SLC38A11: variants seen among roughly 807,000 people sequenced by gnomAD.
The protein encoded by SLC38A11 is solute carrier family 38 member 11.
A neutral mutation model predicts 49.4 loss-of-function variants in SLC38A11; 51 were observed. That is an observed-to-expected ratio of 1.03 (90% CI 0.83 to 1.30). The LOEUF (loss-of-function observed/expected upper bound fraction) is 1.30, where lower values mean the gene tolerates loss of function less well. SLC38A11 is among the 50% of genes most tolerant of loss of function. The pLI is 0.00. For synonymous variants in SLC38A11, 203 were observed against 192.9 expected (o/e 1.05, Z -0.43); for missense variants, 574 against 556.2 (o/e 1.03, Z -0.32).
At position 164,952,754 on chromosome 2, in the gene SLC38A11, C is replaced by G; in HGVS notation, c.182G>C (p.Gly61Ala). 1 of 1,605,948 alleles carries G rather than the reference C, an allele frequency of 6.2e-7. No homozygotes were observed. The highest frequency in any genetic ancestry group is 8.5e-7 in the Non-Finnish European group (1 of 1,178,184). The change falls in exon 3 of 12, where the codon GGG (glycine) becomes GCG (alanine). Residue 61 changes from glycine (G) to alanine (A), a missense_variant. Gly to Ala is a moderately conservative substitution (Grantham distance 60). Coordinates refer to ENST00000685975, the MANE Select transcript of SLC38A11 (RefSeq NM_001351537.2). ...IGLPYSMKQA[G>A]FPLGILLLFW... ...TAAAAGCAATATTCCCAAAGGAAAC[C>G]CAGCTTGCTTCATTGAATAAGGCAA...
chr2:164,934,469 A>G lies in SLC38A11; in HGVS notation c.617+2881T>C, dbSNP rs559152144. Among the ~76,000 whole-genome samples, 24 of 152,250 alleles carry G rather than the reference A, an allele frequency of 1.6e-4. 1 individual carries two copies. Among genetic ancestry groups the G allele is most frequent in the Admixed American group, 1.4e-3 (22 of 15,288 alleles). The stretch of plus-strand genomic sequence containing the variant: ...TAATGAATCCAATTGCCTGGCCCCT[A>G]GATCAATTCCTTCAGAATCTCTACA... On this transcript the variant is annotated intron_variant, in intron 7 of 11. Coordinates refer to ENST00000685975, the MANE Select transcript of SLC38A11 (RefSeq NM_001351537.2).
rs764778795 is a variant in SLC38A11 at position 164,897,208 on chromosome 2, C to T, written c.*1229G>A. On this transcript the variant is annotated 3_prime_UTR_variant, in exon 12 of 12. Transcript: ENST00000685975. ...GGCACAGCTGTGTCTCCCAGATACC[C>T]CTGTAAGGAAGCATGTGGTGACAAA... The T allele has an allele frequency of 1.2e-4, 19 of 152,064 alleles. No homozygotes were observed. The highest frequency in any genetic ancestry group is 2.6e-4 in the Non-Finnish European group (18 of 68,006). 9.4% of individuals were successfully genotyped at this position (152,064 alleles called of 1,614,324 possible).
chr2:164,917,252 A>G (rs959200532), intron 7 of SLC38A11, among the ~76,000 whole-genome samples: 4 of 152,132 alleles, frequency 2.6e-5, no homozygotes, highest in African/African-American at 7.2e-5. Flanking sequence ...AAAGATGAAG[A>G]CCCATCTATT....
At chr2:164,939,394 T>TTGCCAAGTAGACA (rs1687589856) in intron 6 of SLC38A11, 56 bp downstream of exon 6, 1 of 1,196,956 alleles carries the variant, frequency 8.4e-7, no homozygotes, top group Non-Finnish European at 1.2e-6. Flanking sequence ...AAGTAGACAG[T>TTGCCAAGTAGACA]AGATTATGCA....
At chr2:164,901,691 A>G (rs1684659264) in intron 11 of SLC38A11, among the ~76,000 whole-genome samples, 1 of 152,200 alleles carries the variant, frequency 6.6e-6, no homozygotes, top group Non-Finnish European at 1.5e-5. Context: ...GAATCATGTC[A>G]TCGGCAAATA....
intron 7 of SLC38A11, among the ~76,000 whole-genome samples, chr2:164,929,981 T>A (rs866037068): frequency 2.4e-3 from 359 of 151,110 alleles, no homozygotes; most frequent in Non-Finnish European, 3.9e-3. Flanking sequence ...TGTTTTTTTT[T>A]AAAATTCAAA....
intron 10 of SLC38A11, among the ~76,000 whole-genome samples, chr2:164,910,985 CAATAT>C (rs1285878244): frequency 5.3e-5 from 8 of 151,734 alleles, no homozygotes; most frequent in African/African-American, 1.7e-4. Context: ...TTTGACAATA[CAATAT>C]ATTTATATGT....
At chr2:164,915,312 C>A (rs762050866) in intron 8 of SLC38A11, 39 bp from the exon 9 acceptor site, 35 of 1,540,960 alleles carry the variant, frequency 2.3e-5, no homozygotes, top group Non-Finnish European at 2.9e-5. Context: ...AAATCAAGCA[C>A]CAGGGTTTTC....
chr2:164,918,649 G>A (rs369831367), intron 7 of SLC38A11, among the ~76,000 whole-genome samples: 1 of 152,102 alleles, frequency 6.6e-6, no homozygotes, highest in East Asian at 1.9e-4. Context: ...AATAAGTGAT[G>A]TGTAATCATT....
chr2:164,941,181 T>C (rs1262816325), intron 5 of SLC38A11, among the ~76,000 whole-genome samples: 1 of 152,092 alleles, frequency 6.6e-6, no homozygotes, highest in Non-Finnish European at 1.5e-5. Flanking sequence ...TTTAAATGTT[T>C]AAACAACAGT....
chr2:164,926,278 A>T (rs1193547099), intron 7 of SLC38A11, among the ~76,000 whole-genome samples: 1 of 152,162 alleles, frequency 6.6e-6, no homozygotes, highest in Non-Finnish European at 1.5e-5. Flanking sequence ...TCACCACCAC[A>T]TGTAAAGCTT....
chr2:164,954,626 C>T lies in SLC38A11; in HGVS notation c.154+5G>A, dbSNP rs1395079144. On this transcript the variant is annotated splice_donor_5th_base_variant and intron_variant, in intron 2 of 11. Transcript: ENST00000685975. ...TAAAATTTAAACCAAAGCAAATACACTTACCTATTATACCAGATCCTATAA... is the reference window on the plus strand; with the variant it reads ...TAAAATTTAAACCAAAGCAAATACATTTACCTATTATACCAGATCCTATAA... 1.4e-6 allele frequency: 2 copies of T among 1,442,902 alleles called. No homozygotes were observed. The highest frequency in any genetic ancestry group is 5.1e-5 in the East Asian group (2 of 39,580). The allele number at this position is 1,442,902 out of a possible 1,614,324, so 89.4% of individuals were successfully genotyped here. A position where few individuals can be genotyped will look rare whatever the true frequency, so the allele number is the denominator to read the frequency against.
chr2:164,922,720 A>C (rs1395762985), intron 7 of SLC38A11, among the ~76,000 whole-genome samples: 1 of 152,226 alleles, frequency 6.6e-6, no homozygotes, highest in Non-Finnish European at 1.5e-5. Flanking sequence ...ATTTAGAAAA[A>C]AACTATTATG....
intron 11 of SLC38A11, among the ~76,000 whole-genome samples, chr2:164,906,090 T>C (rs1180585176): frequency 6.6e-6 from 1 of 152,148 alleles, no homozygotes; most frequent in Non-Finnish European, 1.5e-5. Context: ...GTGCACTTGA[T>C]TAACTTGAAA....
intron 10 of SLC38A11, 41 bp from the exon 11 acceptor site, chr2:164,908,812 G>C (rs375997909): frequency 1.3e-6 from 2 of 1,573,604 alleles, no homozygotes; most frequent in African/African-American, 1.4e-5. Context: ...ACTTTTAAAG[G>C]CATGCAGGAT....
chr2:164,937,416 G>T lies in SLC38A11; in HGVS notation c.551C>A (p.Ser184Tyr). The T allele has an allele frequency of 6.2e-7, 1 of 1,606,674 alleles. No individual in the cohort carries two copies. Residue 184 changes from serine to tyrosine, a missense_variant, in exon 7 of 12, where the codon TCT becomes TAT. Coordinates refer to ENST00000685975, the MANE Select transcript of SLC38A11 (RefSeq NM_001351537.2). ...AAGAATCAGAGTTGTTAAACCTGTA[G>T]AGATGAGGGAGACCTGTAAAAGAAA... ...IAKLGKVSLI[S>Y]TGLTTLILGI...
intron 11 of SLC38A11, among the ~76,000 whole-genome samples, chr2:164,899,592 T>C (rs941768917): frequency 6.6e-6 from 1 of 152,144 alleles, no homozygotes; most frequent in Non-Finnish European, 1.5e-5. Context: ...ATTTTAATTA[T>C]AGTATATTTA....
At chr2:164,903,945 G>A (rs550753495) in intron 11 of SLC38A11, among the ~76,000 whole-genome samples, 2 of 152,186 alleles carry the variant, frequency 1.3e-5, no homozygotes, top group East Asian at 3.9e-4. Context: ...ATAAAATAAT[G>A]CTTATACATC....
chr2:164,954,605 A>C (rs889238475), intron 2 of SLC38A11, 26 bp downstream of exon 2: 2 of 1,294,854 alleles, frequency 1.5e-6, no homozygotes, highest in African/African-American at 3.0e-5. Context: ...TTCACTTAAA[A>C]TTTAAACCAA....
Sources: gnomAD v4.1 joint callset for allele counts (sites outside exome capture counted in the v4.1 genomes callset) on GRCh38, gnomAD v4.1.1 for gene constraint, MANE v1.5 for transcripts, NCBI Gene and HGNC (gene_info 2026-07-23, HGNC 2026-07-21) for gene names.